NRXN1: variants seen among roughly 807,000 people sequenced by gnomAD.
The protein encoded by NRXN1 is neurexin 1.
In NRXN1, 39 loss-of-function variants were observed where a neutral mutation model predicts 150.9. The ratio of observed to expected loss-of-function variants is 0.26; its 90% confidence interval spans 0.20 to 0.34. The LOEUF is 0.34. Ranked by LOEUF, NRXN1 falls within the 10% of genes least tolerant of loss-of-function variation. The probability of loss-of-function intolerance (pLI) is 1.00; values close to 1 mark genes in which losing one functional copy is unlikely to be tolerated. For synonymous variants in NRXN1, 924 were observed against 757.0 expected, an observed-to-expected ratio of 1.22 and a Z score of -3.62; for missense variants, 1,815 against 1,949.9, an observed-to-expected ratio of 0.93 and a Z score of 1.30.
chr2:50,232,373 CTTTCT>C (rs200600751), intron 18 of NRXN1, among the ~76,000 whole-genome samples: 2,915 of 139,576 alleles, frequency 0.021, 108 homozygotes, highest in African/African-American at 0.058. Context: ...TATTATTTTT[CTTTCT>C]TTTCTTTTCT....
chr2:50,822,190 A>C (rs889655014), intron 5 of NRXN1, among the ~76,000 whole-genome samples: 4 of 151,616 alleles, frequency 2.6e-5, no homozygotes, highest in African/African-American at 9.8e-5. Context: ...AAAATATAAA[A>C]CAAAGTGAAA....
At chr2:50,894,301 T>C (rs1186537251) in intron 5 of NRXN1, among the ~76,000 whole-genome samples, 1 of 149,386 alleles carries the variant, frequency 6.7e-6, no homozygotes, top group African/African-American at 2.4e-5. Flanking sequence ...AAAATAAATG[T>C]GACATGTCTA....
At chr2:50,539,513 G>T (rs1296389906) in intron 9 of NRXN1, among the ~76,000 whole-genome samples, 1 of 151,332 alleles carries the variant, frequency 6.6e-6, no homozygotes, top group African/African-American at 2.5e-5. Context: ...AAAAATATTA[G>T]TGGAATCTAT....
At chr2:50,736,296 T>C (rs146678313) in intron 5 of NRXN1, among the ~76,000 whole-genome samples, 75 of 152,310 alleles carry the variant, frequency 4.9e-4, no homozygotes, top group African/African-American at 1.7e-3. Context: ...ATGTCATTTC[T>C]TTAGAAAAGT....
At chr2:50,996,394 T>G (rs1335890382) in intron 2 of NRXN1, among the ~76,000 whole-genome samples, 4 of 152,104 alleles carry the variant, frequency 2.6e-5, no homozygotes, top group Non-Finnish European at 5.9e-5. Flanking sequence ...TCAAACAAGC[T>G]TTATCATTTA....
Position 50,519,270 on chromosome 2 carries a change from C to T in NRXN1, c.2374+9355G>A, listed in dbSNP as rs150102642. On this transcript the variant is annotated intron_variant, in intron 12 of 22. Transcript: ENST00000401669. ...TATTTGAATTTTAAGATTTTAATGA[C>T]AGTGCTAACTTAATTGTTTTCTTTA... 4.3e-3 allele frequency among the ~76,000 whole-genome samples: 651 copies of T among 152,020 alleles called. 2 individuals are homozygous for T. The highest frequency in any genetic ancestry group is 0.014 in the African/African-American group (600 of 41,546).
chr2:50,821,035 A>T (rs1401877179), intron 5 of NRXN1, among the ~76,000 whole-genome samples: 1 of 152,106 alleles, frequency 6.6e-6, no homozygotes, highest in East Asian at 1.9e-4. Context: ...CCCCAACAAC[A>T]TATTTATTTA....
At chr2:50,684,001 C>T (rs976972568) in intron 5 of NRXN1, among the ~76,000 whole-genome samples, 9 of 151,860 alleles carry the variant, frequency 5.9e-5, no homozygotes, top group African/African-American at 2.2e-4. Context: ...CATACCCATC[C>T]ATCCATCTAT....
chr2:50,986,739 T>A (rs565491908), intron 2 of NRXN1, among the ~76,000 whole-genome samples: 17 of 141,576 alleles, frequency 1.2e-4, no homozygotes, highest in African/African-American at 4.2e-4. Context: ...CAAATATTCA[T>A]ATTTTTTTTC....
chr2:50,196,283 A>G (rs2061758466), intron 18 of NRXN1, among the ~76,000 whole-genome samples: 1 of 152,080 alleles, frequency 6.6e-6, no homozygotes, highest in Admixed American at 6.6e-5. Context: ...ATGGGGTTCT[A>G]ATTTCTATAG....
chr2:50,991,630 T>C (rs549633362), intron 2 of NRXN1, among the ~76,000 whole-genome samples: 3 of 152,154 alleles, frequency 2.0e-5, no homozygotes, highest in African/African-American at 7.2e-5. Flanking sequence ...TTTGCATTTG[T>C]CAATGAGGCC....
intron 21 of NRXN1, among the ~76,000 whole-genome samples, chr2:50,052,734 G>GT (rs1167782267): frequency 2.6e-5 from 4 of 152,062 alleles, no homozygotes; most frequent in East Asian, 1.9e-4. Context: ...CCAATAGAAT[G>GT]TTTTTTTATT....
At chr2:50,000,208 C>A (rs1229015080) in intron 21 of NRXN1, among the ~76,000 whole-genome samples, 2 of 152,140 alleles carry the variant, frequency 1.3e-5, no homozygotes, top group Non-Finnish European at 2.9e-5. Context: ...AGGGCAAACA[C>A]AAAAGTCAAT....
intron 17 of NRXN1, among the ~76,000 whole-genome samples, chr2:50,461,416 G>T (rs1191023331): frequency 6.6e-6 from 1 of 151,914 alleles, no homozygotes; most frequent in East Asian, 1.9e-4. Flanking sequence ...AATGTAATGT[G>T]ACAATGTTAT....
At chr2:50,286,216 A>G (rs780284191) in intron 17 of NRXN1, among the ~76,000 whole-genome samples, 3 of 152,098 alleles carry the variant, frequency 2.0e-5, no homozygotes, top group Non-Finnish European at 4.4e-5. Flanking sequence ...TGTACAATAG[A>G]TCTCTTGAAC....
chr2:50,850,273 G>C (rs1191560792), intron 5 of NRXN1, among the ~76,000 whole-genome samples: 1 of 150,600 alleles, frequency 6.6e-6, no homozygotes, highest in African/African-American at 2.4e-5. Context: ...TGTTGCTGTT[G>C]TTTGTTTGTT....
At chr2:50,312,375 G>A (rs1350360807) in intron 17 of NRXN1, among the ~76,000 whole-genome samples, 1 of 151,682 alleles carries the variant, frequency 6.6e-6, no homozygotes, top group African/African-American at 2.4e-5. Context: ...GCAGGCACTT[G>A]ATGTGGGCAT....
At position 50,402,033 on chromosome 2, in the gene NRXN1, C is replaced by T. The variant is rs533103621; in HGVS notation, c.3364+63409G>A. Among the ~76,000 whole-genome samples, 20 of 152,150 alleles carry T rather than the reference C, an allele frequency of 1.3e-4. 1 individual carries two copies. In the South Asian group the frequency reaches 3.3e-3, roughly 25 times the overall value. On this transcript the variant is annotated intron_variant, in intron 17 of 22. Coordinates refer to ENST00000401669, the MANE Select transcript of NRXN1 (RefSeq NM_001330078.2). ...AAGAAGTTGCTCAACCTGGACTTGC[C>T]TAGAACAGCAGCCTTTTATTCTGAT...
At chr2:50,290,753 G>T (rs760748811) in intron 17 of NRXN1, among the ~76,000 whole-genome samples, 1 of 152,008 alleles carries the variant, frequency 6.6e-6, no homozygotes, top group Non-Finnish European at 1.5e-5. Context: ...AATGGAATTT[G>T]GTTTTAAAGA....
Sources: gnomAD v4.1 joint callset for allele counts (sites outside exome capture counted in the v4.1 genomes callset) on GRCh38, gnomAD v4.1.1 for gene constraint, MANE v1.5 for transcripts, NCBI Gene and HGNC (gene_info 2026-07-23, HGNC 2026-07-21) for gene names.